CADPS: variants seen among roughly 807,000 people sequenced by gnomAD.
The protein encoded by CADPS is calcium dependent secretion activator, also known as calcium-dependent secretion activator 1.
In CADPS, 57 loss-of-function variants were observed where a neutral mutation model predicts 167.3. The ratio of observed to expected loss-of-function variants is 0.34; its 90% CI spans 0.28 to 0.42. The LOEUF is 0.42. Among genes scored for constraint, CADPS ranks in the 20% least tolerant of loss-of-function variants. CADPS has a pLI of 1.00. For synonymous variants in CADPS, 676 were observed against 635.3 expected (o/e 1.06, Z -0.96); for missense variants, 1,414 against 1,738.1 (o/e 0.81, Z 3.32).
At chr3:62,744,259 A>G (rs564720) in intron 3 of CADPS, among the ~76,000 whole-genome samples, 74,939 of 151,918 alleles carry the variant, frequency 0.49, 20,261 homozygotes, top group African/African-American at 0.72. Flanking sequence ...TCAGGACGTA[A>G]ATTATGAAGC....
chr3:62,805,045 A>G (rs1442276906), intron 1 of CADPS, among the ~76,000 whole-genome samples: 1 of 152,200 alleles, frequency 6.6e-6, no homozygotes, highest in Non-Finnish European at 1.5e-5. Flanking sequence ...TTAGGACCAG[A>G]TAATTCTTTG....
chr3:62,398,856 G>A lies in CADPS; in HGVS notation c.*550C>T, dbSNP rs894246459. On this transcript the variant is annotated 3_prime_UTR_variant, in exon 30 of 30. Transcript: ENST00000383710. Reference sequence around the variant, plus strand: ...GTAAATGAAAGGATGGGTTAACAACGACACAAGGGGTTCATTTTTTGGTTT... The same window carrying A: ...GTAAATGAAAGGATGGGTTAACAACAACACAAGGGGTTCATTTTTTGGTTT... The A allele has an allele frequency of 2.6e-5, 4 of 151,946 alleles. No individual in the cohort carries two copies. Among genetic ancestry groups the A allele is most frequent in the Admixed American group, 1.3e-4 (2 of 15,276 alleles). 9.4% of individuals were successfully genotyped at this position (151,946 alleles called of 1,614,324 possible).
intron 1 of CADPS, among the ~76,000 whole-genome samples, chr3:62,820,795 G>GTTTTTTTTTTTTTTTTTTTTTTT (rs5849504): frequency 7.2e-6 from 1 of 137,996 alleles, no homozygotes; most frequent in African/African-American, 2.8e-5. Flanking sequence ...CTTTTTTTTG[G>GTTTTTTTTTTTTTTTTTTTTTTT]TTTTTTTTTT....
Position 62,594,157 on chromosome 3 carries a change from T to TA in CADPS, c.1326-1410_1326-1409insT, listed in dbSNP as rs1427578495. On this transcript the variant is annotated intron_variant, in intron 6 of 29. Transcript: ENST00000383710. ...TTTTTTTATTTATTTTTTTTATTTT[T>TA]TTTATTTATTTATTTATTTTTTGAG... Among the ~76,000 whole-genome samples, 88 of 136,418 alleles carry TA rather than the reference T, an allele frequency of 6.5e-4. 1 individual carries two copies. Among genetic ancestry groups the TA allele is most frequent in the African/African-American group, 2.1e-3 (85 of 39,878 alleles). The allele number at this position is 136,418 out of a possible 152,430, so 89.5% of individuals were successfully genotyped here. A position where few individuals can be genotyped will look rare whatever the true frequency, so the allele number is the denominator to read the frequency against.
At chr3:62,773,918 T>A (rs1438750179) in intron 1 of CADPS, among the ~76,000 whole-genome samples, 1 of 152,168 alleles carries the variant, frequency 6.6e-6, no homozygotes, top group African/African-American at 2.4e-5. Context: ...CAGCATGCTA[T>A]TCCTAAAGAT....
intron 17 of CADPS, chr3:62,500,667 T>C (rs1482051881): frequency 6.6e-6 from 1 of 152,182 alleles, no homozygotes; most frequent in African/African-American, 2.4e-5. Context: ...TTTCATCTCT[T>C]CATCTGAAAC....
At position 62,874,824 on chromosome 3, in the gene CADPS, G is replaced by T; in HGVS notation, c.206C>A (p.Ala69Glu). ...CCCCCCGGCCCCGCCGCCGCTGCTC[G>T]CGCCGCTGCCCCCGCCGCCGCCTGC... is the stretch of plus-strand genomic sequence containing the variant. ...VGAGGGGGSG[A>E]SSGGGAGGLQ... Residue 69 changes from alanine (A) to glutamate (E), a missense_variant, in exon 1 of 30, where the codon GCG (alanine) becomes GAG (glutamate). Ala to Glu is a moderately radical substitution (Grantham distance 107). Transcript: ENST00000383710. The surrounding 1 kb of genome is among the most constrained non-coding windows in gnomAD (Gnocchi z 7.1). 1 of 1,057,682 alleles carries T rather than the reference G, an allele frequency of 9.5e-7. No individual in the cohort carries two copies. Among genetic ancestry groups the T allele is most frequent in the Non-Finnish European group, 1.2e-6 (1 of 865,618 alleles). The allele number at this position is 1,057,682 out of a possible 1,614,324, so 65.5% of individuals were successfully genotyped here.
rs1044141157 is a variant in CADPS at position 62,465,033 on chromosome 3, A to G, written c.3636+334T>C. Among the ~76,000 whole-genome samples, 1 of 152,208 alleles carries G rather than the reference A, an allele frequency of 6.6e-6. No individual in the cohort carries two copies. Among genetic ancestry groups the G allele is most frequent in the African/African-American group, 2.4e-5 (1 of 41,458 alleles). Reference sequence around the variant, plus strand: ...TAAAATTAATTTTTCTTATTTACAGATGAGGAAATGGTGGCCCACATTAAG... The same window carrying G: ...TAAAATTAATTTTTCTTATTTACAGGTGAGGAAATGGTGGCCCACATTAAG... On this transcript the variant is annotated intron_variant, in intron 26 of 29. Coordinates refer to ENST00000383710, the MANE Select transcript of CADPS (RefSeq NM_003716.4). This position sits in a 1 kb window ranked among gnomAD's most constrained non-coding sequence, Gnocchi z 4.1.
chr3:62,576,786 T>G (rs1259896537), intron 8 of CADPS, among the ~76,000 whole-genome samples: 2 of 25,676 alleles, frequency 7.8e-5, no homozygotes, highest in Non-Finnish European at 1.3e-4. Flanking sequence ...CAAGACTCTG[T>G]CTAAAAAAAA....
At chr3:62,596,372 A>G (rs187449324) in intron 6 of CADPS, among the ~76,000 whole-genome samples, 77 of 151,728 alleles carry the variant, frequency 5.1e-4, no homozygotes, top group Admixed American at 4.2e-3. Context: ...ATTTTTTTGT[A>G]TTTTTAGTAG....
At chr3:62,836,565 T>C (rs114490914) in intron 1 of CADPS, among the ~76,000 whole-genome samples, 3,488 of 152,278 alleles carry the variant, frequency 0.023, 61 homozygotes, top group South Asian at 0.054. Flanking sequence ...CGTGTGTGTG[T>C]GTCTCTACAA....
chr3:62,738,409 A>T (rs1447133346), intron 3 of CADPS, among the ~76,000 whole-genome samples: 1 of 146,580 alleles, frequency 6.8e-6, no homozygotes, highest in Non-Finnish European at 1.5e-5. Context: ...ATCTCTGAAC[A>T]ACAAAAATAC....
chr3:62,628,026 C>T (rs1435894144), intron 6 of CADPS, among the ~76,000 whole-genome samples: 1 of 152,130 alleles, frequency 6.6e-6, no homozygotes, highest in Non-Finnish European at 1.5e-5. Context: ...ATCTAAACAC[C>T]TAGCTCTTTT....
intron 1 of CADPS, among the ~76,000 whole-genome samples, chr3:62,843,898 C>T (rs903510815): frequency 6.6e-6 from 1 of 151,972 alleles, no homozygotes; most frequent in Non-Finnish European, 1.5e-5. Flanking sequence ...AATTAAAAGA[C>T]TACCAGGGCT....
chr3:62,499,324 G>A lies in CADPS; in HGVS notation c.2600-56C>T, dbSNP rs550552030. 43 of 1,091,382 alleles carry A rather than the reference G, an allele frequency of 3.9e-5. No homozygotes were observed. In the South Asian group the frequency reaches 5.3e-4, roughly 14 times the overall value. The allele number at this position is 1,091,382 out of a possible 1,614,324, so 67.6% of individuals were successfully genotyped here. A position where few individuals can be genotyped will look rare whatever the true frequency, so the allele number is the denominator to read the frequency against. On this transcript the variant is annotated intron_variant, in intron 17 of 29. Transcript: ENST00000383710. The stretch of plus-strand genomic sequence containing the variant: ...GCGAAAGTGGCAGGCTACTTTTATG[G>A]CCATTAGAACTAGTGGATAAGAAAT...
rs959201364 is a variant in CADPS, at chr3:62,455,621, A to G, written c.3636+9746T>C. On this transcript the variant is annotated intron_variant, in intron 26 of 29. Coordinates refer to ENST00000383710, the MANE Select transcript of CADPS (RefSeq NM_003716.4). The surrounding 1 kb of genome is among the most constrained non-coding windows in gnomAD (Gnocchi z 4.4). The stretch of plus-strand genomic sequence containing the variant: ...AAGTTTTAATTTTGTAAAATCTCCA[A>G]GCAGACATGTAAGCTTATTTTTGCG... Among the ~76,000 whole-genome samples, 3 of 152,228 alleles carry G rather than the reference A, an allele frequency of 2.0e-5. No homozygotes were observed. The highest frequency in any genetic ancestry group is 2.4e-5 in the African/African-American group (1 of 41,466).
At chr3:62,510,872 G>A (rs1369885684) in intron 17 of CADPS, among the ~76,000 whole-genome samples, 1 of 152,074 alleles carries the variant, frequency 6.6e-6, no homozygotes, top group Admixed American at 6.6e-5. Context: ...TAAAGGCCAG[G>A]AAAGAAGTAA....
intron 6 of CADPS, among the ~76,000 whole-genome samples, chr3:62,597,763 C>T (rs147087442): frequency 6.6e-6 from 1 of 152,170 alleles, no homozygotes; most frequent in African/African-American, 2.4e-5. Context: ...TCCCTTCCAC[C>T]AGGCCTGCAG....
At chr3:62,750,228 G>A (rs2082386554) in intron 3 of CADPS, among the ~76,000 whole-genome samples, 1 of 151,780 alleles carries the variant, frequency 6.6e-6, no homozygotes, top group African/African-American at 2.4e-5. Context: ...GCACGTGCCT[G>A]TAATCCCAGC....
Sources: allele counts gnomAD v4.1 joint callset (sites outside exome capture counted in the v4.1 genomes callset), GRCh38; gene constraint gnomAD v4.1.1; non-coding constraint Gnocchi (gnomAD v3.1); transcripts MANE v1.5; gene names NCBI Gene and HGNC (gene_info 2026-07-23, HGNC 2026-07-21).